The following CHRND variants were observed in gnomAD, a reference collection of about 807,000 sequenced individuals.
CHRND encodes cholinergic receptor nicotinic delta subunit.
Under a neutral mutation model 57.8 loss-of-function variants are expected in CHRND, and 40 were observed. That is an observed-to-expected ratio of 0.69 (90% CI 0.54 to 0.90). The LOEUF (loss-of-function observed/expected upper bound fraction) is 0.90. Ranked by LOEUF, CHRND falls within the 40% of genes least tolerant of loss-of-function variation. The pLI, the probability that CHRND is intolerant of heterozygous loss-of-function variation, is 0.00. For missense variants in CHRND, 634 were observed against 673.9 expected (o/e 0.94, Z 0.66); for synonymous variants, 237 against 270.6 (o/e 0.88, Z 1.22).
chr2:232,534,168 T>A, intron 10 of CHRND, 33 bp downstream of exon 10: 1 of 1,613,990 alleles, frequency 6.2e-7, no homozygotes, highest in South Asian at 1.1e-5. Context: ...TTTCAGCCCA[T>A]CTGTGGGAGG....
intron 11 of CHRND, 78 bp from the exon 12 acceptor site, chr2:232,535,052 T>C (rs1008195698): frequency 1.9e-6 from 3 of 1,567,748 alleles, no homozygotes; most frequent in Non-Finnish European, 1.7e-6. Context: ...TCTGCCTCCA[T>C]GGCTGGGCCC....
chr2:232,531,318 G>A (rs1691687109), intron 7 of CHRND, 34 bp from the exon 8 acceptor site: 1 of 1,445,828 alleles, frequency 6.9e-7, no homozygotes, highest in African/African-American at 1.6e-5. Context: ...TAGGACCGGT[G>A]CCCCAAGGTC....
At position 232,528,305 on chromosome 2, in the gene CHRND, G is replaced by A. The variant is rs758160494; in HGVS notation, c.287G>A (p.Gly96Glu). The change falls in exon 4 of 12, where the codon GGA becomes GAA. Residue 96 changes from glycine (G) to glutamate (E), a missense_variant. By Grantham distance (98) the Gly-to-Glu change is moderately conservative (BLOSUM62 -2). Coordinates refer to ENST00000258385, the MANE Select transcript of CHRND (RefSeq NM_000751.3). ...NRLKWNAEEF[G>E]NISVLRLPPD... ...CTGAAGTGGAATGCTGAAGAATTTG[G>A]AAACATCAGTGTCCTGCGCCTCCCC... The A allele has an allele frequency of 3.7e-6, 6 of 1,614,140 alleles. No homozygotes were observed. Among genetic ancestry groups the A allele is most frequent in the Non-Finnish European group, 5.1e-6 (6 of 1,180,024 alleles).
intron 2 of CHRND, 98 bp from the exon 3 acceptor site, chr2:232,527,302 GA>G (rs60481847): frequency 5.6e-5 from 53 of 942,934 alleles, no homozygotes; most frequent in Non-Finnish European, 7.3e-5. Flanking sequence ...CAAGACCCTG[GA>G]AAAAAAAAGA....
chr2:232,526,200 C>T lies in CHRND; in HGVS notation c.-16C>T, dbSNP rs767302324. 1.9e-6 allele frequency: 3 copies of T among 1,612,272 alleles called. No homozygotes were observed. The highest frequency in any genetic ancestry group is 2.2e-5 in the South Asian group (2 of 90,934). On this transcript the variant is annotated 5_prime_UTR_variant, in exon 1 of 12. Coordinates refer to ENST00000258385, the MANE Select transcript of CHRND (RefSeq NM_000751.3). ...AGACAGGAGGGGCAGATGCACGTCC[C>T]AGTCAGAGGGATGGGATGGAGGGGC...
intron 7 of CHRND, among the ~76,000 whole-genome samples, 170 bp from the exon 8 acceptor site, chr2:232,531,182 T>C (rs1189635483): frequency 6.6e-6 from 1 of 152,148 alleles, no homozygotes; most frequent in Non-Finnish European, 1.5e-5. Flanking sequence ...AGAGCTGATA[T>C]TTGCACCCAG....
chr2:232,526,571 T>C lies in CHRND; in HGVS notation c.95T>C (p.Leu32Pro). The C allele has an allele frequency of 6.2e-7, 1 of 1,613,708 alleles. No homozygotes were observed. The highest frequency in any genetic ancestry group is 8.5e-7 in the Non-Finnish European group (1 of 1,180,010). ...LNEEERLIRH[L>P]FQEKGYNKEL... is the part of the protein sequence containing the mutation. Reference sequence around the variant, plus strand: ...GAGGAGGAGCGGCTGATCCGGCACCTGTTTCAAGAGAAGGGCTACAACAAG... The same window carrying C: ...GAGGAGGAGCGGCTGATCCGGCACCCGTTTCAAGAGAAGGGCTACAACAAG... Residue 32 changes from leucine to proline, a missense_variant, in exon 2 of 12, where the codon CTG (leucine) becomes CCG (proline). Transcript: ENST00000258385.
rs372429801 is a variant in CHRND at position 232,526,329 on chromosome 2, G to A, written c.52+62G>A. 9.0e-5 allele frequency: 141 copies of A among 1,563,264 alleles called. No homozygotes were observed. The African/African-American group carries it at 1.3e-3, about 14-fold the overall frequency. On this transcript the variant is annotated intron_variant, in intron 1 of 11. Transcript: ENST00000258385. ...GTGATGCTTACCCAGGCCCCACACC[G>A]CATGGCTCCTCACTCACTCCACTCC...
In CHRND at chr2:232,535,892, C is replaced by T. The variant is rs371903548; in HGVS notation, c.*580C>T. 84 of 454,056 alleles carry T rather than the reference C, an allele frequency of 1.8e-4. 2 individuals carry two copies. The highest frequency in any genetic ancestry group is 5.0e-4 in the African/African-American group (25 of 50,094). 28.1% of individuals were successfully genotyped at this position (454,056 alleles called of 1,614,324 possible). On this transcript the variant is annotated 3_prime_UTR_variant, in exon 12 of 12. Coordinates refer to ENST00000258385, the MANE Select transcript of CHRND (RefSeq NM_000751.3). The stretch of plus-strand genomic sequence containing the variant: ...AGGACTGGAGTGGAAAGGTCAGGAT[C>T]GACATCCACAAAGACTTGGGGTCAG...
At position 232,533,965 on chromosome 2, in the gene CHRND, T is replaced by C. The variant is rs928801216; in HGVS notation, c.1082T>C (p.Met361Thr). The C allele has an allele frequency of 6.2e-6, 10 of 1,613,418 alleles. No individual in the cohort carries two copies. The highest frequency in any genetic ancestry group is 8.5e-6 in the Non-Finnish European group (10 of 1,180,008). Residue 361 changes from methionine to threonine, a missense_variant, in exon 10 of 12, where the codon ATG (methionine) becomes ACG (threonine). Physicochemically the swap from Met to Thr is moderately conservative, Grantham distance 81. Transcript: ENST00000258385. ...FLETLPELLH[M>T]SRPAEDGPSP... ...GAGACCCTGCCGGAGCTCCTGCACA[T>C]GTCCCGCCCAGCAGAGGATGGACCC...
At chr2:232,527,311 A>AAT in intron 2 of CHRND, 90 bp from the exon 3 acceptor site, 1 of 661,648 alleles carries the variant, frequency 1.5e-6, no homozygotes, top group Non-Finnish European at 2.3e-6. Flanking sequence ...GGAAAAAAAA[A>AAT]GAGAGAGAGA....
At chr2:232,528,446 C>A in intron 4 of CHRND, 55 bp from the exon 5 acceptor site, 1 of 1,613,908 alleles carries the variant, frequency 6.2e-7, no homozygotes, top group Non-Finnish European at 8.5e-7. Context: ...CCTCCCCCAA[C>A]TCTGCCAGTC....
At chr2:232,526,780 T>G in intron 2 of CHRND, 106 bp downstream of exon 2, 1 of 1,202,818 alleles carries the variant, frequency 8.3e-7, no homozygotes, top group Non-Finnish European at 1.2e-6. Flanking sequence ...CTATGGCCAC[T>G]CCCTTCCTGG....
chr2:232,527,814 G>A (rs1429095209), intron 3 of CHRND, among the ~76,000 whole-genome samples: 3 of 152,194 alleles, frequency 2.0e-5, no homozygotes, highest in Non-Finnish European at 4.4e-5. Context: ...GATTGCTTCT[G>A]CATGGAGATC....
At chr2:232,527,561 G>A (rs1559293730) in intron 3 of CHRND, 116 bp downstream of exon 3, 9 of 804,452 alleles carry the variant, frequency 1.1e-5, no homozygotes, top group South Asian at 4.1e-5. Context: ...TGGCTGACAC[G>A]GTGAAACCCC....
chr2:232,528,413 C>G lies in CHRND; in HGVS notation c.353+42C>G, dbSNP rs370534958. The G allele has an allele frequency of 6.3e-5, 101 of 1,613,408 alleles. No individual in the cohort carries two copies. The African/African-American group carries it at 1.2e-3, about 20-fold the overall frequency. ...CCTGACCTCCCCTCTGTCACCCTGC[C>G]TCCTTTCCTTAAGCCTCCTCTGCCT... On this transcript the variant is annotated intron_variant, in intron 4 of 11. Coordinates refer to ENST00000258385, the MANE Select transcript of CHRND (RefSeq NM_000751.3).
Position 232,535,231 on chromosome 2 carries a change from G to A in CHRND, c.1473G>A (p.Gln491=). 1 of 1,614,234 alleles carries A rather than the reference G, an allele frequency of 6.2e-7. No homozygotes were observed. The highest frequency in any genetic ancestry group is 2.2e-5 in the East Asian group (1 of 44,882). The change falls in exon 12 of 12, where the codon CAG becomes CAA. Residue 491 remains glutamine (Q), a synonymous_variant. Transcript: ENST00000258385. ...TGGGCACAGCCTGGATCTTCCTGCA[G>A]GGCGTTTACAACCAGCCACCACCCC... The part of the protein sequence containing the change: ...MVVGTAWIFL[Q]GVYNQPPPQP...
In CHRND at chr2:232,530,241, G is replaced by T. The variant is rs560430528; in HGVS notation, c.820+102G>T. On this transcript the variant is annotated intron_variant, in intron 7 of 11. Coordinates refer to ENST00000258385, the MANE Select transcript of CHRND (RefSeq NM_000751.3). ...CACTTCCTCCTGGGAGCCACCTGGG[G>T]TCTCCATTCCTGGAGCTCCCTGCCT... 22 of 1,263,734 alleles carry T rather than the reference G, an allele frequency of 1.7e-5. No homozygotes were observed. In the South Asian group the frequency reaches 2.2e-4, roughly 13 times the overall value. The allele number at this position is 1,263,734 out of a possible 1,614,324, so 78.3% of individuals were successfully genotyped here.
In CHRND at chr2:232,527,460, C is replaced by G. The variant is rs201780063; in HGVS notation, c.243+15C>G. On this transcript the variant is annotated intron_variant, in intron 3 of 11. Transcript: ENST00000258385. ...GGATAGAGCACGTAAGAATGCCCCT[C>G]CCAGCCGGGCGCAGTGGCTCATGCC... 6.2e-7 allele frequency: 1 copy of G among 1,608,102 alleles called. No homozygotes were observed. Among genetic ancestry groups the G allele is most frequent in the East Asian group, 2.2e-5 (1 of 44,730 alleles).
Sources: allele counts gnomAD v4.1 joint callset (sites outside exome capture counted in the v4.1 genomes callset), GRCh38; gene constraint gnomAD v4.1.1; transcripts MANE v1.5; gene names NCBI Gene and HGNC (gene_info 2026-07-23, HGNC 2026-07-21).